The following SIM1 variants were observed in gnomAD, a reference collection of about 807,000 sequenced individuals.
SIM1 encodes the protein single-minded homolog 1.
Under a neutral mutation model 78.2 loss-of-function variants are expected in SIM1, and 18 were observed. The ratio of observed to expected loss-of-function variants is 0.23; its 90% CI spans 0.16 to 0.34. The LOEUF (loss-of-function observed/expected upper bound fraction) is 0.34. Ranked by LOEUF, SIM1 falls within the 10% of genes least tolerant of loss-of-function variation. The probability of loss-of-function intolerance (pLI) is 1.00; values close to 1 mark genes in which losing one functional copy is unlikely to be tolerated. For synonymous variants in SIM1, 417 were observed against 385.2 expected (o/e 1.08, Z -0.97); for missense variants, 939 against 975.1 (o/e 0.96, Z 0.49).
At chr6:100,397,603 T>G (rs1003849518) in intron 10 of SIM1, among the ~76,000 whole-genome samples, 1 of 151,774 alleles carries the variant, frequency 6.6e-6, no homozygotes, top group African/African-American at 2.4e-5. Context: ...ATCTTCAAGA[T>G]CTAGGACTAG....
rs766824051 is a variant in SIM1 at position 100,390,490 on chromosome 6, G to A, written c.2172C>T (p.Ser724=). Residue 724 remains serine, a synonymous_variant, in exon 12 of 12, where the codon AGC becomes AGT. Transcript: ENST00000369208. The part of the protein sequence containing the change: ...TGYALEHLYD[S]ETIRNYSLGC... ...CCAAGGAATAGTTTCTAATGGTTTC[G>A]CTGTCATATAAGTGCTCCAGGGCAT... The A allele has an allele frequency of 4.5e-5, 73 of 1,613,980 alleles. 1 individual carries two copies. The South Asian group carries it at 6.6e-4, about 15-fold the overall frequency.
rs1194123614 is a variant in SIM1 at position 100,390,751 on chromosome 6, C to G, written c.1911G>C (p.Glu637Asp). The G allele has an allele frequency of 6.2e-7, 1 of 1,613,992 alleles. No homozygotes were observed. The highest frequency in any genetic ancestry group is 8.5e-7 in the Non-Finnish European group (1 of 1,180,048). ...TTTCATGGGGGCTCAACATTTTTCC[C>G]TCTCTCTGCTGGATATGGTCACATG... ...TSPCDHIQQR[E>D]GKMLSPHEND... is the part of the protein sequence containing the mutation. Residue 637 changes from glutamate (E) to aspartate (D), a missense_variant, in exon 12 of 12, where the codon GAG becomes GAC. By Grantham distance (45) the Glu-to-Asp change is conservative. Transcript: ENST00000369208.
intron 2 of SIM1, among the ~76,000 whole-genome samples, chr6:100,461,671 A>G (rs183037606): frequency 6.6e-6 from 1 of 152,312 alleles, no homozygotes; most frequent in Admixed American, 6.5e-5. Flanking sequence ...TTATTTTTAT[A>G]AAGTAGGCGC....
rs141840780 is a variant in SIM1, at chr6:100,461,397, G to GC, written c.175+1896dup. On this transcript the variant is annotated intron_variant, in intron 2 of 11. Coordinates refer to ENST00000369208, the MANE Select transcript of SIM1 (RefSeq NM_005068.3). ...CCAAGCCGACTAGCTTCCCTGGCCG[G>GC]CCGACTCCCCGGGCTCTCCCGGCCG... Among the ~76,000 whole-genome samples, 1,080 of 152,330 alleles carry GC rather than the reference G, an allele frequency of 7.1e-3. 14 individuals carry two copies. Among genetic ancestry groups the GC allele is most frequent in the African/African-American group, 0.025 (1,019 of 41,584 alleles).
intron 2 of SIM1, among the ~76,000 whole-genome samples, chr6:100,456,286 G>A (rs1772656080): frequency 6.6e-6 from 1 of 151,990 alleles, no homozygotes; most frequent in East Asian, 1.9e-4. Flanking sequence ...GGAGCCCCTC[G>A]CCTCCTGCCT....
intron 9 of SIM1, among the ~76,000 whole-genome samples, chr6:100,422,137 T>G (rs1469590733): frequency 6.6e-6 from 1 of 152,238 alleles, no homozygotes; most frequent in African/African-American, 2.4e-5. Context: ...GATTCTCTAA[T>G]GGGTTTGCCT....
At position 100,447,505 on chromosome 6, in the gene SIM1, C is replaced by T. The variant is rs1181179476; in HGVS notation, c.851-90G>A. ...TCCCTGGTGGTAAGAATTGAGGGCT[C>T]CCTGTGGGCCCTAATAACTGCACCA... On this transcript the variant is annotated intron_variant, in intron 8 of 11. Transcript: ENST00000369208. The T allele has an allele frequency of 9.2e-6, 13 of 1,415,928 alleles. No individual in the cohort carries two copies. In the South Asian group the frequency reaches 1.5e-4, roughly 16 times the overall value. 87.7% of individuals were successfully genotyped at this position (1,415,928 alleles called of 1,614,324 possible).
intron 10 of SIM1, among the ~76,000 whole-genome samples, chr6:100,396,743 G>A (rs1770778989): frequency 6.6e-6 from 1 of 152,160 alleles, no homozygotes; most frequent in African/African-American, 2.4e-5. Context: ...AACTGCACTT[G>A]ATGTAAACTC....
intron 9 of SIM1, among the ~76,000 whole-genome samples, chr6:100,430,407 T>C (rs1029330617): frequency 2.0e-5 from 3 of 152,202 alleles, no homozygotes; most frequent in African/African-American, 7.2e-5. Context: ...AAATGAGGCA[T>C]ATATTTAAAA....
In SIM1 at chr6:100,425,814, A is replaced by G. The variant is rs115696978; in HGVS notation, c.999-4856T>C. 9.6e-3 allele frequency among the ~76,000 whole-genome samples: 1,466 copies of G among 152,286 alleles called. 24 individuals carry two copies. The highest frequency in any genetic ancestry group is 0.032 in the African/African-American group (1,310 of 41,560). On this transcript the variant is annotated intron_variant, in intron 9 of 11. Coordinates refer to ENST00000369208, the MANE Select transcript of SIM1 (RefSeq NM_005068.3). The stretch of plus-strand genomic sequence containing the variant: ...CCTCAAAGTTACATGCATGCTCAGT[A>G]GAATCATGTATTTAATGCTTCCTCA...
intron 11 of SIM1, 134 bp downstream of exon 11, chr6:100,393,352 TG>T (rs909148332): frequency 2.1e-4 from 158 of 764,614 alleles, no homozygotes; most frequent in South Asian, 3.2e-4. Context: ...GAGTGAACTT[TG>T]TTTTTAATCC....
chr6:100,459,259 A>G (rs928162536), intron 2 of SIM1, among the ~76,000 whole-genome samples: 1 of 152,222 alleles, frequency 6.6e-6, no homozygotes, highest in Non-Finnish European at 1.5e-5. Context: ...CTCCCATTAA[A>G]GAAAAAAGTA....
intron 2 of SIM1, among the ~76,000 whole-genome samples, chr6:100,457,854 C>A (rs746116195): frequency 1.3e-5 from 2 of 152,220 alleles, no homozygotes; most frequent in African/African-American, 4.8e-5. Context: ...CAGCCTGGAC[C>A]CCACAGTGTG....
chr6:100,457,396 C>T (rs1772693744), intron 2 of SIM1, among the ~76,000 whole-genome samples: 1 of 152,120 alleles, frequency 6.6e-6, no homozygotes. Flanking sequence ...GAGGGGAAAG[C>T]CCTCCTAGGC....
Position 100,389,229 on chromosome 6 carries a change from T to G in SIM1, c.*1132A>C, listed in dbSNP as rs74728933. 480 of 174,224 alleles carry G rather than the reference T, an allele frequency of 2.8e-3. 3 individuals are homozygous for G. Among genetic ancestry groups the G allele is most frequent in the African/African-American group, 0.011 (465 of 42,604 alleles). The allele number at this position is 174,224 out of a possible 1,614,324, so 10.8% of individuals were successfully genotyped here. On this transcript the variant is annotated 3_prime_UTR_variant, in exon 12 of 12. Coordinates refer to ENST00000369208, the MANE Select transcript of SIM1 (RefSeq NM_005068.3). Reference sequence around the variant, plus strand: ...TACAAACAATAAGGAAAATAAACATTTTGCCTATTCCTTCAGAGTACTGCT... The same window carrying G: ...TACAAACAATAAGGAAAATAAACATGTTGCCTATTCCTTCAGAGTACTGCT...
intron 9 of SIM1, among the ~76,000 whole-genome samples, chr6:100,426,936 G>A (rs2114512467): frequency 6.6e-6 from 1 of 152,310 alleles, no homozygotes; most frequent in African/African-American, 2.4e-5. Context: ...AATTACCAAG[G>A]AAACGTGGAA....
intron 10 of SIM1, chr6:100,396,188 C>T: frequency 2.5e-6 from 1 of 396,534 alleles, no homozygotes; most frequent in Non-Finnish European, 3.4e-6. Flanking sequence ...GATCCAAGTG[C>T]TATACATGTG....
intron 10 of SIM1, among the ~76,000 whole-genome samples, chr6:100,415,011 T>C (rs1771362192): frequency 1.3e-5 from 2 of 152,382 alleles, no homozygotes; most frequent in South Asian, 2.1e-4. Flanking sequence ...TTCAGAAGCA[T>C]ACAGTCTTCT....
intron 9 of SIM1, among the ~76,000 whole-genome samples, chr6:100,436,616 C>A (rs1772057659): frequency 6.6e-6 from 1 of 152,250 alleles, no homozygotes; most frequent in South Asian, 2.1e-4. Context: ...GGGCCACCAA[C>A]CTTACACATG....
Sources: gnomAD v4.1 joint callset for allele counts (sites outside exome capture counted in the v4.1 genomes callset) on GRCh38, gnomAD v4.1.1 for gene constraint, MANE v1.5 for transcripts, NCBI Gene and HGNC (gene_info 2026-07-23, HGNC 2026-07-21) for gene names.